The following ARHGAP35 variants were observed in gnomAD, a reference collection of about 807,000 sequenced individuals.
The protein encoded by ARHGAP35 is rho GTPase-activating protein 35.
Under a neutral mutation model 111.1 loss-of-function variants are expected in ARHGAP35, and 15 were observed. The observed-to-expected ratio is 0.13, with a 90% CI of 0.09 to 0.21. ARHGAP35 has a LOEUF of 0.21. ARHGAP35 is among the 10% of genes least tolerant of loss of function. ARHGAP35 has a pLI of 1.00. For missense variants in ARHGAP35, 1,262 were observed against 1,873.0 expected, an observed-to-expected ratio of 0.67 and a Z score of 6.02; for synonymous variants, 643 against 710.3, an observed-to-expected ratio of 0.91 and a Z score of 1.51.
chr19:46,872,303 G>A (rs1187671709), intron 1 of ARHGAP35, among the ~76,000 whole-genome samples: 1 of 152,040 alleles, frequency 6.6e-6, no homozygotes, highest in Admixed American at 6.6e-5. Flanking sequence ...GAAATATGCT[G>A]AAGTGTTATT....
chr19:46,937,960 T>C (rs2056320107), intron 3 of ARHGAP35, among the ~76,000 whole-genome samples: 1 of 152,238 alleles, frequency 6.6e-6, no homozygotes, highest in Non-Finnish European at 1.5e-5. Flanking sequence ...CTTGATGCTA[T>C]CACAAAGGTA....
At chr19:46,905,701 C>T (rs1429097004) in intron 1 of ARHGAP35, among the ~76,000 whole-genome samples, 1 of 152,152 alleles carries the variant, frequency 6.6e-6, no homozygotes, top group Non-Finnish European at 1.5e-5. Flanking sequence ...AGGCACATGC[C>T]ACCATGCCTG....
intron 2 of ARHGAP35, among the ~76,000 whole-genome samples, chr19:46,929,013 T>G (rs996574546): frequency 8.0e-6 from 1 of 124,362 alleles, no homozygotes; most frequent in African/African-American, 3.0e-5. Flanking sequence ...TATTTAAGAT[T>G]AGGGATGACA....
chr19:46,989,810 A>G lies in ARHGAP35; in HGVS notation c.4036+135A>G. 7.0e-7 allele frequency: 1 copy of G among 1,419,858 alleles called. No homozygotes were observed. The highest frequency in any genetic ancestry group is 9.6e-7 in the Non-Finnish European group (1 of 1,042,440). The allele number at this position is 1,419,858 out of a possible 1,614,324, so 88.0% of individuals were successfully genotyped here. ...AGGACAGAGGGCAAGGGAATTAACCAGATGACAGCAATGGGACTTGCAAAT... is the reference window on the plus strand; with the variant it reads ...AGGACAGAGGGCAAGGGAATTAACCGGATGACAGCAATGGGACTTGCAAAT... On this transcript the variant is annotated intron_variant, in intron 5 of 6. Transcript: ENST00000672722. This position sits in a 1 kb window ranked among gnomAD's most constrained non-coding sequence, Gnocchi z 5.3.
At chr19:46,902,395 G>A (rs1490699056) in intron 1 of ARHGAP35, among the ~76,000 whole-genome samples, 1 of 152,116 alleles carries the variant, frequency 6.6e-6, no homozygotes, top group Non-Finnish European at 1.5e-5. Context: ...TGTGACTCCA[G>A]ACAACACTGG....
intron 3 of ARHGAP35, among the ~76,000 whole-genome samples, chr19:46,965,169 C>A (rs953669513): frequency 6.6e-6 from 1 of 152,010 alleles, no homozygotes; most frequent in Non-Finnish European, 1.5e-5. Flanking sequence ...AAAAATTAGC[C>A]GGGCGTGGTG....
chr19:46,984,675 A>G (rs544150911), intron 3 of ARHGAP35, among the ~76,000 whole-genome samples: 1 of 152,362 alleles, frequency 6.6e-6, no homozygotes, highest in Admixed American at 6.5e-5. Flanking sequence ...TAAAATAAAC[A>G]TGTGCCCAGA....
At chr19:46,914,038 A>G (rs2056151883) in intron 1 of ARHGAP35, among the ~76,000 whole-genome samples, 1 of 152,192 alleles carries the variant, frequency 6.6e-6, no homozygotes, top group Non-Finnish European at 1.5e-5. Flanking sequence ...ATTTGTGACC[A>G]AGCACTTAAA....
intron 1 of ARHGAP35, among the ~76,000 whole-genome samples, chr19:46,881,467 C>T (rs1375618070): frequency 6.6e-6 from 1 of 152,176 alleles, no homozygotes; most frequent in African/African-American, 2.4e-5. Flanking sequence ...TTGTACATCT[C>T]CATCAGAGCT....
intron 1 of ARHGAP35, among the ~76,000 whole-genome samples, chr19:46,898,878 C>T (rs2056070391): frequency 6.6e-6 from 1 of 152,108 alleles, no homozygotes; most frequent in Non-Finnish European, 1.5e-5. Context: ...GTGCTGGAAC[C>T]TGCGGTGTGT....
intron 5 of ARHGAP35, among the ~76,000 whole-genome samples, chr19:46,991,955 A>C (rs569582956): frequency 1.3e-5 from 2 of 152,252 alleles, no homozygotes; most frequent in Non-Finnish European, 2.9e-5. Flanking sequence ...ACAAATATCA[A>C]GGTCACTAGC....
At chr19:46,892,246 G>T (rs907959515) in intron 1 of ARHGAP35, among the ~76,000 whole-genome samples, 1 of 149,874 alleles carries the variant, frequency 6.7e-6, no homozygotes, top group Non-Finnish European at 1.5e-5. Context: ...AAAGGTTGCA[G>T]TGAGCCGAGA....
intron 1 of ARHGAP35, among the ~76,000 whole-genome samples, chr19:46,880,364 G>A (rs934412146): frequency 1.3e-4 from 20 of 152,094 alleles, no homozygotes; most frequent in African/African-American, 2.4e-4. Context: ...CCCAGGAGGC[G>A]GAAGTTGCAG....
rs567550640 is a variant in ARHGAP35, at chr19:46,889,327, C to T, written c.-189+28118C>T. ...AAAAATACAAAAGTTGGTGTGGTGG[C>T]GTGTGCCTGTAGTCCCAGCTACTCA... On this transcript the variant is annotated intron_variant, in intron 1 of 6. Coordinates refer to ENST00000672722, the MANE Select transcript of ARHGAP35 (RefSeq NM_004491.5). Among the ~76,000 whole-genome samples the T allele has an allele frequency of 2.0e-5, 3 of 151,946 alleles. No individual in the cohort carries two copies. In the South Asian group the frequency reaches 6.3e-4, roughly 32 times the overall value.
At chr19:46,917,180 T>G (rs1474255213) in intron 1 of ARHGAP35, among the ~76,000 whole-genome samples, 1 of 152,216 alleles carries the variant, frequency 6.6e-6, no homozygotes, top group Non-Finnish European at 1.5e-5. Flanking sequence ...TGTTCTACTT[T>G]CTGTCTCTAT....
intron 2 of ARHGAP35, among the ~76,000 whole-genome samples, chr19:46,928,064 G>T (rs2056248752): frequency 3.9e-5 from 6 of 152,156 alleles, no homozygotes; most frequent in Admixed American, 3.9e-4. Context: ...GACAAAAAAG[G>T]CATGGAGACA....
In ARHGAP35 at chr19:46,867,419, G is replaced by A. The variant is rs979927112; in HGVS notation, c.-189+6210G>A. On this transcript the variant is annotated intron_variant, in intron 1 of 6. Transcript: ENST00000672722. ...AATTGCATTTGGACAATTGAGAGGCGGCTTCCTATGATGTAAAGAACATTG... is the reference window on the plus strand; with the variant it reads ...AATTGCATTTGGACAATTGAGAGGCAGCTTCCTATGATGTAAAGAACATTG... Among the ~76,000 whole-genome samples, 26 of 152,098 alleles carry A rather than the reference G, an allele frequency of 1.7e-4. 1 individual carries two copies. Among genetic ancestry groups the A allele is most frequent in the African/African-American group, 5.1e-4 (21 of 41,408 alleles).
At chr19:46,862,717 G>T (rs1445900662) in intron 1 of ARHGAP35, among the ~76,000 whole-genome samples, 14 of 151,972 alleles carry the variant, frequency 9.2e-5, no homozygotes, top group Non-Finnish European at 2.1e-4. Context: ...TTCTTGGAGC[G>T]GTCCTTTAAC....
chr19:46,944,865 G>A (rs1002616261), intron 3 of ARHGAP35, among the ~76,000 whole-genome samples: 2 of 152,168 alleles, frequency 1.3e-5, no homozygotes, highest in African/African-American at 4.8e-5. Context: ...CCTACATTGT[G>A]AGGGAAATTG....
Sources: gnomAD v4.1 joint callset for allele counts (sites outside exome capture counted in the v4.1 genomes callset) on GRCh38, gnomAD v4.1.1 for gene constraint, Gnocchi (gnomAD v3.1) non-coding constraint, MANE v1.5 for transcripts, NCBI Gene and HGNC (gene_info 2026-07-23, HGNC 2026-07-21) for gene names.